GPC6: variants seen among roughly 807,000 people sequenced by gnomAD.
The protein encoded by GPC6 is glypican 6.
In GPC6, 14 loss-of-function variants were observed where a neutral mutation model predicts 55.2. The observed-to-expected ratio is 0.25, with a 90% CI of 0.17 to 0.40. The LOEUF (loss-of-function observed/expected upper bound fraction) is 0.40. Ranked by LOEUF, GPC6 falls within the 10% of genes least tolerant of loss-of-function variation. The probability of loss-of-function intolerance (pLI) is 1.00; values close to 1 mark genes in which losing one functional copy is unlikely to be tolerated. For missense variants in GPC6, 641 were observed against 708.5 expected (o/e 0.90, Z 1.08); for synonymous variants, 278 against 259.6 (o/e 1.07, Z -0.68).
chr13:94,206,359 A>T (rs996467219), intron 4 of GPC6, among the ~76,000 whole-genome samples: 1 of 152,146 alleles, frequency 6.6e-6, no homozygotes, highest in Admixed American at 6.5e-5. Context: ...CCACATTCAC[A>T]CTACATGCTG....
In GPC6 at chr13:93,525,113, C is replaced by T. The variant is rs375818023; in HGVS notation, c.161-20150C>T. Among the ~76,000 whole-genome samples, 30 of 152,138 alleles carry T rather than the reference C, an allele frequency of 2.0e-4. No individual in the cohort carries two copies. The South Asian group carries it at 5.6e-3, about 28-fold the overall frequency. On this transcript the variant is annotated intron_variant, in intron 1 of 8. Transcript: ENST00000377047. ...CAAGCATGGCTAGATTCCACCACTC[C>T]TTGTACATACCATGTCTATATCCTT... is the stretch of plus-strand genomic sequence containing the variant.
At chr13:93,294,783 T>G (rs1400653597) in intron 1 of GPC6, among the ~76,000 whole-genome samples, 2 of 152,164 alleles carry the variant, frequency 1.3e-5, no homozygotes, top group Non-Finnish European at 2.9e-5. Flanking sequence ...TCACTGTGTC[T>G]TTATTTTTGG....
At chr13:93,225,456 G>C (rs888583309), upstream of GPC6, among the ~76,000 whole-genome samples, 2 of 151,844 alleles carry the variant, frequency 1.3e-5, no homozygotes, top group Non-Finnish European at 2.9e-5. Context: ...AGTTAAGTGT[G>C]TTGCGTTTTC....
chr13:93,762,712 A>G (rs969779491), intron 2 of GPC6, among the ~76,000 whole-genome samples: 15 of 152,346 alleles, frequency 9.8e-5, no homozygotes, highest in Admixed American at 2.0e-4. Context: ...TGACCTAACC[A>G]GCCTTTATGG....
intron 1 of GPC6, among the ~76,000 whole-genome samples, chr13:93,544,071 CTT>C (rs534239782): frequency 6.9e-6 from 1 of 144,596 alleles, no homozygotes. Context: ...CACGGTGAGC[CTT>C]TTTTTTTTGT....
chr13:93,934,974 T>C (rs957057741), intron 3 of GPC6, among the ~76,000 whole-genome samples: 1 of 152,238 alleles, frequency 6.6e-6, no homozygotes, highest in East Asian at 1.9e-4. Context: ...GTAGCACTTA[T>C]CAGTATTTCA....
intron 4 of GPC6, among the ~76,000 whole-genome samples, chr13:94,067,483 T>TCTCTCTCC (rs1281810684): frequency 4.7e-5 from 7 of 150,276 alleles, no homozygotes; most frequent in Non-Finnish European, 1.5e-5. Context: ...TGTCTGTCTC[T>TCTCTCTCC]CTCTCTCTCT....
intron 4 of GPC6, among the ~76,000 whole-genome samples, chr13:94,238,552 G>A (rs530873563): frequency 1.3e-5 from 2 of 152,176 alleles, no homozygotes; most frequent in African/African-American, 2.4e-5. Context: ...GGCCACTACA[G>A]AATTCACCTG....
chr13:93,775,737 T>G (rs1195046269), intron 2 of GPC6, among the ~76,000 whole-genome samples: 15 of 152,164 alleles, frequency 9.9e-5, no homozygotes, highest in African/African-American at 3.6e-4. Context: ...CAAAAACAGT[T>G]GGACTAGTCT....
chr13:93,497,547 A>C (rs938547474), intron 1 of GPC6, among the ~76,000 whole-genome samples: 1 of 152,246 alleles, frequency 6.6e-6, no homozygotes, highest in African/African-American at 2.4e-5. Context: ...TATGCTGGGT[A>C]ATCCCAGTCA....
At chr13:93,234,310 C>T (rs957922078) in intron 1 of GPC6, among the ~76,000 whole-genome samples, 2 of 152,182 alleles carry the variant, frequency 1.3e-5, no homozygotes, top group African/African-American at 4.8e-5. Context: ...CCAAATTAAG[C>T]TCACTGTGTG....
chr13:93,245,278 G>T (rs1010087580), intron 1 of GPC6, among the ~76,000 whole-genome samples: 1 of 152,178 alleles, frequency 6.6e-6, no homozygotes, highest in South Asian at 2.1e-4. Flanking sequence ...CTTGAGCACC[G>T]TTATTCAGTT....
At position 94,406,009 on chromosome 13, in the gene GPC6, C is replaced by G. The variant is rs944818047; in HGVS notation, c.*2792C>G. ...CATTTCAGCATAGTGATAGGGGATG[C>G]AATGAGGCTTCATTATTTTTTATGA... is the stretch of plus-strand genomic sequence containing the variant. On this transcript the variant is annotated 3_prime_UTR_variant, in exon 9 of 9. Transcript: ENST00000377047. 2.6e-5 allele frequency: 4 copies of G among 152,124 alleles called. No individual in the cohort carries two copies. The highest frequency in any genetic ancestry group is 9.7e-5 in the African/African-American group (4 of 41,436). 9.4% of individuals were successfully genotyped at this position (152,124 alleles called of 1,614,324 possible). A position where few individuals can be genotyped will look rare whatever the true frequency, so the allele number is the denominator to read the frequency against.
intron 1 of GPC6, among the ~76,000 whole-genome samples, chr13:93,507,840 G>A (rs561493747): frequency 3.6e-4 from 55 of 151,958 alleles, no homozygotes; most frequent in Non-Finnish European, 5.7e-4. Flanking sequence ...ACATTGATTA[G>A]CTTGTCTCTA....
chr13:94,386,319 C>T (rs913264214), intron 7 of GPC6, among the ~76,000 whole-genome samples: 1 of 149,588 alleles, frequency 6.7e-6, no homozygotes, highest in African/African-American at 2.5e-5. Context: ...GAGATCACAC[C>T]ACTGCACTCC....
Position 93,311,990 on chromosome 13 carries a change from T to C in GPC6, c.160+84374T>C, listed in dbSNP as rs368439875. Among the ~76,000 whole-genome samples the C allele has an allele frequency of 1.2e-4, 18 of 152,238 alleles. No individual in the cohort carries two copies. The East Asian group carries it at 2.3e-3, about 20-fold the overall frequency. ...AGAGAAAATGCACACCTTAACAGAA[T>C]AACTCAAAAAAGTTATGGAGAGTTA... On this transcript the variant is annotated intron_variant, in intron 1 of 8. Coordinates refer to ENST00000377047, the MANE Select transcript of GPC6 (RefSeq NM_005708.5).
At chr13:93,220,987 A>T in the GPC6 span, among the ~76,000 whole-genome samples, 1 of 152,064 alleles carries the variant, frequency 6.6e-6, no homozygotes, top group Admixed American at 6.6e-5. Flanking sequence ...GGCTCTGGTG[A>T]TCCTCCCACC....
intron 4 of GPC6, among the ~76,000 whole-genome samples, chr13:94,029,450 A>C (rs1290522133): frequency 6.6e-6 from 1 of 152,238 alleles, no homozygotes; most frequent in Non-Finnish European, 1.5e-5. Context: ...AATTTTTAAA[A>C]ATAAACTTGA....
At chr13:93,992,912 C>T (rs982205692) in intron 3 of GPC6, among the ~76,000 whole-genome samples, 2 of 152,180 alleles carry the variant, frequency 1.3e-5, no homozygotes, top group African/African-American at 4.8e-5. Context: ...TCTCTAAACT[C>T]ATCATTTCTC....
Sources: allele counts gnomAD v4.1 joint callset (sites outside exome capture counted in the v4.1 genomes callset), GRCh38; gene constraint gnomAD v4.1.1; transcripts MANE v1.5; gene names NCBI Gene and HGNC (gene_info 2026-07-23, HGNC 2026-07-21).